The following SLC24A2 variants were observed in gnomAD, a reference collection of about 807,000 sequenced individuals.
The protein encoded by SLC24A2 is sodium/potassium/calcium exchanger 2.
Under a neutral mutation model 62.0 loss-of-function variants are expected in SLC24A2, and 36 were observed. That is an observed-to-expected ratio of 0.58 (90% CI 0.44 to 0.77). The LOEUF (loss-of-function observed/expected upper bound fraction) is 0.77, where lower values mean the gene tolerates loss of function less well. Among genes scored for constraint, SLC24A2 ranks in the 30% least tolerant of loss-of-function variants. SLC24A2 has a pLI of 0.00. For missense variants in SLC24A2, 846 were observed against 817.9 expected (o/e 1.03, Z -0.42); for synonymous variants, 358 against 294.0 (o/e 1.22, Z -2.23).
At chr9:19,665,323 T>G (rs1819219255) in intron 2 of SLC24A2, among the ~76,000 whole-genome samples, 1 of 152,100 alleles carries the variant, frequency 6.6e-6, no homozygotes, top group African/African-American at 2.4e-5. Context: ...TGAGAGGTGC[T>G]GAGAAGGCAG....
the SLC24A2 span, among the ~76,000 whole-genome samples, chr9:19,909,723 A>G: frequency 6.6e-6 from 1 of 152,034 alleles, no homozygotes. Context: ...AGGTAAATTT[A>G]TGCCCTGATT....
chr9:20,243,197 T>A, the SLC24A2 span, among the ~76,000 whole-genome samples: 27 of 152,198 alleles, frequency 1.8e-4, no homozygotes, highest in African/African-American at 5.8e-4. Context: ...ACTTTCTTTT[T>A]GCACAATTTT....
chr9:20,205,137 C>T, the SLC24A2 span, among the ~76,000 whole-genome samples: 46 of 152,216 alleles, frequency 3.0e-4, no homozygotes, highest in African/African-American at 1.1e-3. Flanking sequence ...AGCATTGCCA[C>T]GTTCAAAATA....
At chr9:19,561,418 A>G (rs1243075831) in intron 7 of SLC24A2, among the ~76,000 whole-genome samples, 1 of 147,608 alleles carries the variant, frequency 6.8e-6, no homozygotes, top group East Asian at 2.0e-4. Context: ...CAGAGCTAAC[A>G]GTTAAGTGGA....
intron 2 of SLC24A2, among the ~76,000 whole-genome samples, chr9:19,729,297 G>C (rs1245527091): frequency 6.6e-6 from 1 of 152,164 alleles, no homozygotes; most frequent in Non-Finnish European, 1.5e-5. Flanking sequence ...GGCCGCTATG[G>C]AAAATAGTAT....
chr9:20,224,332 C>A, the SLC24A2 span, among the ~76,000 whole-genome samples: 8 of 151,968 alleles, frequency 5.3e-5, no homozygotes, highest in East Asian at 1.6e-3. Context: ...CACTGAGCCA[C>A]AAACACGATG....
At chr9:19,602,064 T>C (rs1398712515) in intron 4 of SLC24A2, among the ~76,000 whole-genome samples, 2 of 152,242 alleles carry the variant, frequency 1.3e-5, no homozygotes, top group Non-Finnish European at 2.9e-5. Flanking sequence ...CAAGGAGATC[T>C]TGTAGCACAG....
chr9:19,557,973 C>G (rs1222941127), intron 7 of SLC24A2, among the ~76,000 whole-genome samples: 1 of 151,950 alleles, frequency 6.6e-6, no homozygotes, highest in Non-Finnish European at 1.5e-5. Flanking sequence ...GTATGCACCA[C>G]CATGGCTAAT....
the SLC24A2 span, among the ~76,000 whole-genome samples, chr9:19,824,928 C>G: frequency 6.6e-6 from 1 of 152,058 alleles, no homozygotes; most frequent in Non-Finnish European, 1.5e-5. Context: ...GAACAGAAAA[C>G]CAAACACTGC....
the SLC24A2 span, among the ~76,000 whole-genome samples, chr9:20,234,499 T>A: frequency 6.6e-6 from 1 of 152,370 alleles, no homozygotes; most frequent in East Asian, 1.9e-4. Context: ...GCTGATACCC[T>A]TTCTTCCAGT....
At chr9:19,838,285 C>T in the SLC24A2 span, among the ~76,000 whole-genome samples, 15 of 152,082 alleles carry the variant, frequency 9.9e-5, no homozygotes, top group Non-Finnish European at 1.8e-4. Flanking sequence ...ACTATCTGAT[C>T]TTTGACAAAC....
chr9:20,234,721 C>CA, the SLC24A2 span, among the ~76,000 whole-genome samples: 1 of 152,238 alleles, frequency 6.6e-6, no homozygotes, highest in East Asian at 1.9e-4. Context: ...CTTCTTCTCT[C>CA]AACTCGTCAA....
At position 19,516,386 on chromosome 9, in the gene SLC24A2, G is replaced by C; in HGVS notation, c.1753C>G (p.Leu585Val). ...AATCTGTGAATGACGGTGTACAGGA[G>C]CCAGGGCAGTGGGAGCCTGTGCAGA... is the stretch of plus-strand genomic sequence containing the variant. ...DITVGLPLPW[L>V]LYTVIHRFQP... The change falls in exon 11 of 11, where the codon CTC becomes GTC. Residue 585 changes from leucine (L) to valine (V), a missense_variant. By Grantham distance (32) the Leu-to-Val change is conservative. Transcript: ENST00000341998. The C allele has an allele frequency of 1.2e-5, 20 of 1,613,956 alleles. No homozygotes were observed. The highest frequency in any genetic ancestry group is 1.7e-5 in the Non-Finnish European group (20 of 1,179,964).
the SLC24A2 span, among the ~76,000 whole-genome samples, chr9:20,060,271 T>C: frequency 1.3e-5 from 2 of 152,032 alleles, no homozygotes; most frequent in Admixed American, 6.6e-5. Flanking sequence ...TCCCAAAAAA[T>C]AGAAGAGAAC....
At chr9:20,269,652 T>C in the SLC24A2 span, among the ~76,000 whole-genome samples, 4 of 152,174 alleles carry the variant, frequency 2.6e-5, no homozygotes, top group Non-Finnish European at 5.9e-5. Flanking sequence ...CAAGGAGAAG[T>C]ACAACCTGCT....
the SLC24A2 span, among the ~76,000 whole-genome samples, chr9:20,244,354 G>T: frequency 5.6e-3 from 852 of 152,268 alleles, 8 homozygotes; most frequent in African/African-American, 0.02. Context: ...GAGCAGGAAG[G>T]AGGGAACATT....
chr9:20,040,250 C>A, the SLC24A2 span, among the ~76,000 whole-genome samples: 1 of 152,124 alleles, frequency 6.6e-6, no homozygotes, highest in Non-Finnish European at 1.5e-5. Flanking sequence ...TATTAAAAAT[C>A]TTGGTGCTAT....
In SLC24A2 at chr9:19,786,203, T is replaced by C. The variant is rs746557146; in HGVS notation, c.664A>G (p.Met222Val). ...ATTTCTCTAGAAAACAGAGCACACA[T>C]GCCAATAACAAAGAGGATGTTGAAT... ...AVFNILFVIG[M>V]CALFSREILN... Residue 222 changes from methionine (M) to valine (V), a missense_variant, in exon 2 of 11, where the codon ATG becomes GTG. Physicochemically the swap from Met to Val is conservative, Grantham distance 21. Coordinates refer to ENST00000341998, the MANE Select transcript of SLC24A2 (RefSeq NM_020344.4). This position sits in a 1 kb window ranked among gnomAD's most constrained non-coding sequence, Gnocchi z 5.0. 1 of 1,614,088 alleles carries C rather than the reference T, an allele frequency of 6.2e-7. No homozygotes were observed. The highest frequency in any genetic ancestry group is 8.5e-7 in the Non-Finnish European group (1 of 1,180,038).
chr9:19,903,253 T>G, the SLC24A2 span, among the ~76,000 whole-genome samples: 2 of 152,116 alleles, frequency 1.3e-5, no homozygotes, highest in Non-Finnish European at 2.9e-5. Context: ...GGTTGGGTTG[T>G]TGGTGAAGGC....
Sources: gnomAD v4.1 joint callset for allele counts (sites outside exome capture counted in the v4.1 genomes callset) on GRCh38, gnomAD v4.1.1 for gene constraint, Gnocchi (gnomAD v3.1) non-coding constraint, MANE v1.5 for transcripts, NCBI Gene and HGNC (gene_info 2026-07-23, HGNC 2026-07-21) for gene names.